Variants in IGLL5 observed in about 807,000 individuals in gnomAD.
IGLL5 encodes the protein immunoglobulin lambda-like polypeptide 5.
In IGLL5, 30 loss-of-function variants were observed where a neutral mutation model predicts 20.9. The observed-to-expected ratio is 1.44, with a 90% CI of 1.07 to 1.95. IGLL5 has a LOEUF of 1.95. Among genes scored for constraint, IGLL5 ranks in the 30% most tolerant of loss-of-function variants. The pLI is 0.00. For synonymous variants in IGLL5, 203 were observed against 117.3 expected, an observed-to-expected ratio of 1.73 and a Z score of -4.72; for missense variants, 475 against 270.7, an observed-to-expected ratio of 1.75 and a Z score of -5.30.
intron 1 of IGLL5, among the ~76,000 whole-genome samples, chr22:22,888,737 A>T (rs1601603447): frequency 1.3e-5 from 2 of 151,318 alleles, no homozygotes; most frequent in East Asian, 2.0e-4. Context: ...CTGTCTGTTC[A>T]CCAACTTGCA....
rs570951413 is a variant in IGLL5 at position 22,887,928 on chromosome 22, G to C, written c.-126G>C. The C allele has an allele frequency of 1.3e-6, 1 of 789,504 alleles. No individual in the cohort carries two copies. The highest frequency in any genetic ancestry group is 2.7e-5 in the East Asian group (1 of 37,260). 48.9% of individuals were successfully genotyped at this position (789,504 alleles called of 1,614,324 possible). On this transcript the variant is annotated 5_prime_UTR_variant, in exon 1 of 3. Coordinates refer to ENST00000526893, the MANE Select transcript of IGLL5 (RefSeq NM_001178126.2). ...GGACAGGGACCAGAGCCAGTCCAGG[G>C]AGAGGACAGAGCCAATGGACTGGGG...
Position 22,888,111 on chromosome 22 carries a change from C to T in IGLL5, c.58C>T (p.Pro20Ser). 2 of 1,549,496 alleles carry T rather than the reference C, an allele frequency of 1.3e-6. No homozygotes were observed. Among genetic ancestry groups the T allele is most frequent in the South Asian group, 1.2e-5 (1 of 83,982 alleles). ...CETPEELGPGPRQRWPLLLLG... is the reference protein window; with the variant it reads ...CETPEELGPGSRQRWPLLLLG... ...GACCCCTGAGGAGCTGGGCCCTGGT[C>T]CCAGGCAGCGCTGGCCCCTGCTGCT... Residue 20 changes from proline (P) to serine (S), a missense_variant, in exon 1 of 3, where the codon CCC becomes TCC. By Grantham distance (74) the Pro-to-Ser change is moderately conservative (BLOSUM62 -1). Coordinates refer to ENST00000526893, the MANE Select transcript of IGLL5 (RefSeq NM_001178126.2).
At chr22:22,889,340 T>C (rs2067708871) in intron 1 of IGLL5, among the ~76,000 whole-genome samples, 4 of 151,034 alleles carry the variant, frequency 2.6e-5, no homozygotes, top group East Asian at 4.1e-4. Context: ...GGACTGTCTA[T>C]GGGCATTAAA....
At chr22:22,889,926 T>G (rs2067763462) in intron 1 of IGLL5, among the ~76,000 whole-genome samples, 1 of 151,364 alleles carries the variant, frequency 6.6e-6, no homozygotes, top group East Asian at 2.0e-4. Flanking sequence ...ATATGCATTT[T>G]CAAAAACCTG....
At chr22:22,889,271 A>T (rs183315575) in intron 1 of IGLL5, among the ~76,000 whole-genome samples, 4 of 151,072 alleles carry the variant, frequency 2.6e-5, no homozygotes, top group African/African-American at 7.3e-5. Flanking sequence ...CCAGTTTCCT[A>T]TGAAATGGGA....
intron 1 of IGLL5, among the ~76,000 whole-genome samples, chr22:22,888,782 A>T (rs764354391): frequency 1.3e-5 from 2 of 151,410 alleles, no homozygotes; most frequent in South Asian, 2.1e-4. Flanking sequence ...TCAAGGACAC[A>T]GGGAGGGTGG....
At chr22:22,894,596 A>G (rs2066672517) in intron 2 of IGLL5, among the ~76,000 whole-genome samples, 1 of 151,216 alleles carries the variant, frequency 6.6e-6, no homozygotes, top group African/African-American at 2.4e-5. Context: ...TCAGGAAATG[A>G]CCAGAGGGGA....
At chr22:22,888,570 G>GACAGGACATCC (rs2145982037) in intron 1 of IGLL5, among the ~76,000 whole-genome samples, 1 of 151,346 alleles carries the variant, frequency 6.6e-6, no homozygotes, top group South Asian at 2.1e-4. Context: ...CAGAGGCAGG[G>GACAGGACATCC]ACAGGACATC....
rs567537853 is a variant in IGLL5 at position 22,888,138 on chromosome 22, C to A, written c.85C>A (p.Leu29Met). 3 of 1,549,692 alleles carry A rather than the reference C, an allele frequency of 1.9e-6. No homozygotes were observed. Among genetic ancestry groups the A allele is most frequent in the African/African-American group, 1.4e-5 (1 of 72,930 alleles). The change falls in exon 1 of 3, where the codon CTG becomes ATG. Residue 29 changes from leucine to methionine, a missense_variant. By Grantham distance (15) the Leu-to-Met change is conservative (BLOSUM62 2). Transcript: ENST00000526893. ...CAGGCAGCGCTGGCCCCTGCTGCTGCTGGGTCTGGCCATGGTCGCCCATGG... is the reference window on the plus strand; with the variant it reads ...CAGGCAGCGCTGGCCCCTGCTGCTGATGGGTCTGGCCATGGTCGCCCATGG... ...GPRQRWPLLL[L>M]GLAMVAHGLL...
At chr22:22,894,198 AG>A (rs2067997342) in intron 2 of IGLL5, among the ~76,000 whole-genome samples, 1 of 149,016 alleles carries the variant, frequency 6.7e-6, no homozygotes, top group Admixed American at 6.7e-5. Flanking sequence ...TGGGCCTGGG[AG>A]CTGCTGAGTC....
chr22:22,889,475 C>T (rs2067723552), intron 1 of IGLL5, among the ~76,000 whole-genome samples: 1 of 151,030 alleles, frequency 6.6e-6, no homozygotes, highest in African/African-American at 2.4e-5. Context: ...AAGCTGTAAC[C>T]AAATCTTTAT....
chr22:22,889,081 T>G (rs116809799), intron 1 of IGLL5, among the ~76,000 whole-genome samples: 2 of 151,226 alleles, frequency 1.3e-5, no homozygotes, highest in East Asian at 2.0e-4. Flanking sequence ...TTAGGTAGAT[T>G]GATTATCAGA....
intron 1 of IGLL5, among the ~76,000 whole-genome samples, chr22:22,891,401 A>G (rs2067842935): frequency 6.6e-6 from 1 of 151,128 alleles, no homozygotes; most frequent in African/African-American, 2.4e-5. Context: ...TGGTTTATTG[A>G]GCTATTCCTG....
chr22:22,889,031 C>T (rs147811844), intron 1 of IGLL5, among the ~76,000 whole-genome samples: 15 of 151,336 alleles, frequency 9.9e-5, no homozygotes, highest in Non-Finnish European at 1.9e-4. Flanking sequence ...CCATAGGGTC[C>T]GTGCACCATT....
In IGLL5 at chr22:22,888,738, C is replaced by T. The variant is rs149788771; in HGVS notation, c.206+479C>T. 1.5e-4 allele frequency among the ~76,000 whole-genome samples: 23 copies of T among 151,178 alleles called. 1 individual carries two copies. Among genetic ancestry groups the T allele is most frequent in the East Asian group, 1.4e-3 (7 of 4,916 alleles). Reference sequence around the variant, plus strand: ...GGTCTCCCCCAAGGCTGTCTGTTCACCAACTTGCACATAAATGCTTACTGG... The same window carrying T: ...GGTCTCCCCCAAGGCTGTCTGTTCATCAACTTGCACATAAATGCTTACTGG... On this transcript the variant is annotated intron_variant, in intron 1 of 2. Transcript: ENST00000526893.
At chr22:22,894,487 GC>G in intron 2 of IGLL5, among the ~76,000 whole-genome samples, 1 of 151,500 alleles carries the variant, frequency 6.6e-6, no homozygotes, top group East Asian at 2.0e-4. Flanking sequence ...GTCTCTTAGG[GC>G]AGAGATGTGT....
At chr22:22,894,281 G>C (rs2068010677) in intron 2 of IGLL5, among the ~76,000 whole-genome samples, 1 of 151,176 alleles carries the variant, frequency 6.6e-6, no homozygotes, top group Non-Finnish European at 1.5e-5. Context: ...ATCCAGCCTG[G>C]GAGGGCCACA....
At chr22:22,894,117 T>G (rs558381243) in intron 2 of IGLL5, among the ~76,000 whole-genome samples, 1 of 151,388 alleles carries the variant, frequency 6.6e-6, no homozygotes, top group African/African-American at 2.4e-5. Flanking sequence ...CTGGTTCTGA[T>G]GAGGGGCCCT....
rs773346414 is a variant in IGLL5 at position 22,895,381 on chromosome 22, C to T, written c.332C>T (p.Pro111Leu). Reference sequence around the variant, plus strand: ...CCCTTCCCTGTCCACACAGGTCAGCCCAAGGCCAACCCCACTGTCACTCTG... The same window carrying T: ...CCCTTCCCTGTCCACACAGGTCAGCTCAAGGCCAACCCCACTGTCACTCTG... ...TGTKVTVLGQ[P>L]KANPTVTLFP... The change falls in exon 3 of 3, where the codon CCC (proline) becomes CTC (leucine). Residue 111 changes from proline (P) to leucine (L), a missense_variant. Transcript: ENST00000526893. 1.9e-6 allele frequency: 3 copies of T among 1,612,808 alleles called. No individual in the cohort carries two copies. In the East Asian group the frequency reaches 6.7e-5, roughly 36 times the overall value.
Sources: gnomAD v4.1 joint callset for allele counts (sites outside exome capture counted in the v4.1 genomes callset) on GRCh38, gnomAD v4.1.1 for gene constraint, MANE v1.5 for transcripts, NCBI Gene and HGNC (gene_info 2026-07-23, HGNC 2026-07-21) for gene names.